TMEM232: variants seen among roughly 807,000 people sequenced by gnomAD.
TMEM232 encodes transmembrane protein 232.
In TMEM232, 80 loss-of-function variants were observed where a neutral mutation model predicts 78.8. That is an observed-to-expected ratio of 1.01 (90% CI 0.85 to 1.22). The LOEUF (loss-of-function observed/expected upper bound fraction) is 1.22. TMEM232 is among the 50% of genes most tolerant of loss of function. The pLI is 0.00. For missense variants in TMEM232, 881 were observed against 742.2 expected (o/e 1.19, Z -2.17); for synonymous variants, 297 against 254.3 (o/e 1.17, Z -1.60).
At chr5:110,551,326 C>A (rs1308988872) in intron 11 of TMEM232, among the ~76,000 whole-genome samples, 2 of 152,146 alleles carry the variant, frequency 1.3e-5, no homozygotes, top group Non-Finnish European at 2.9e-5. Context: ...CGAGTTCAAG[C>A]AATTCTCTTG....
intron 10 of TMEM232, among the ~76,000 whole-genome samples, chr5:110,569,929 C>A (rs772832566): frequency 3.0e-4 from 46 of 151,948 alleles, no homozygotes; most frequent in Non-Finnish European, 6.3e-4. Flanking sequence ...CTGTCCCATG[C>A]AGCACAGTCT....
intron 12 of TMEM232, among the ~76,000 whole-genome samples, chr5:110,439,129 A>C (rs1278919790): frequency 6.6e-6 from 1 of 152,134 alleles, no homozygotes; most frequent in Admixed American, 6.6e-5. Flanking sequence ...AGCTTGCCCA[A>C]ATCACAAAGC....
At chr5:110,704,025 T>C (rs1249312431) in intron 1 of TMEM232, among the ~76,000 whole-genome samples, 1 of 152,110 alleles carries the variant, frequency 6.6e-6, no homozygotes, top group Non-Finnish European at 1.5e-5. Context: ...TCCATCCTCA[T>C]TCAATAACAA....
Position 110,591,526 on chromosome 5 carries a change from C to T in TMEM232, c.1276+13583G>A, listed in dbSNP as rs377638415. On this transcript the variant is annotated intron_variant, in intron 10 of 13. Coordinates refer to ENST00000455884, the MANE Select transcript of TMEM232 (RefSeq NM_001039763.4). ...TTCTCACTATAATAATATTAAACTACATTAACCACCATAACATCTATTAAC... is the reference window on the plus strand; with the variant it reads ...TTCTCACTATAATAATATTAAACTATATTAACCACCATAACATCTATTAAC... 7.9e-5 allele frequency among the ~76,000 whole-genome samples: 12 copies of T among 152,266 alleles called. No homozygotes were observed. In the East Asian group the frequency reaches 2.3e-3, roughly 29 times the overall value.
intron 11 of TMEM232, among the ~76,000 whole-genome samples, chr5:110,535,940 C>G (rs1014853716): frequency 5.3e-5 from 8 of 152,224 alleles, no homozygotes; most frequent in African/African-American, 1.9e-4. Context: ...ACTCTCCTTG[C>G]AACCCCCACT....
chr5:110,662,216 T>C (rs1789895691), intron 2 of TMEM232, among the ~76,000 whole-genome samples: 1 of 152,164 alleles, frequency 6.6e-6, no homozygotes, highest in Non-Finnish European at 1.5e-5. Flanking sequence ...GAAATCTATA[T>C]ATGCATATAA....
intron 12 of TMEM232, among the ~76,000 whole-genome samples, chr5:110,470,482 G>C (rs1398473005): frequency 2.0e-5 from 3 of 152,136 alleles, no homozygotes; most frequent in Admixed American, 6.6e-5. Context: ...AGCTGCTTAG[G>C]AACCAAGTCA....
At chr5:110,648,847 C>T (rs575535430) in intron 2 of TMEM232, among the ~76,000 whole-genome samples, 2 of 152,154 alleles carry the variant, frequency 1.3e-5, no homozygotes, top group East Asian at 3.9e-4. Context: ...TTAAGGTTAT[C>T]TATCTATTAC....
intron 12 of TMEM232, among the ~76,000 whole-genome samples, chr5:110,510,835 C>T (rs185532599): frequency 6.6e-6 from 1 of 152,250 alleles, no homozygotes; most frequent in Admixed American, 6.5e-5. Context: ...AACACTTTTA[C>T]ACTGTTGGTG....
chr5:110,728,584 A>C (rs1424485742), upstream of TMEM232, among the ~76,000 whole-genome samples: 2 of 151,668 alleles, frequency 1.3e-5, no homozygotes, highest in Admixed American at 1.3e-4. Context: ...AATGACAAGA[A>C]TATTTAGAAA....
At chr5:110,518,444 C>T (rs1359167166) in intron 12 of TMEM232, among the ~76,000 whole-genome samples, 4 of 152,074 alleles carry the variant, frequency 2.6e-5, no homozygotes, top group Admixed American at 6.5e-5. Flanking sequence ...ACCCAGGCCA[C>T]TTAGAACTGA....
chr5:110,514,278 A>C (rs563059254), intron 12 of TMEM232, among the ~76,000 whole-genome samples: 58 of 152,300 alleles, frequency 3.8e-4, no homozygotes, highest in African/African-American at 1.3e-3. Context: ...ATAACCAAAA[A>C]GGAAATCATC....
intron 10 of TMEM232, among the ~76,000 whole-genome samples, chr5:110,586,741 G>A (rs1329132280): frequency 2.0e-5 from 3 of 151,996 alleles, no homozygotes; most frequent in Non-Finnish European, 2.9e-5. Context: ...CACAGCAAGG[G>A]AAGACTTTCA....
At chr5:110,558,556 C>G (rs1374826567) in intron 11 of TMEM232, among the ~76,000 whole-genome samples, 1 of 152,072 alleles carries the variant, frequency 6.6e-6, no homozygotes, top group East Asian at 1.9e-4. Flanking sequence ...TGTGGTAAGG[C>G]AGGGACCTGG....
At chr5:110,616,393 C>A (rs1253662086) in intron 8 of TMEM232, among the ~76,000 whole-genome samples, 1 of 151,954 alleles carries the variant, frequency 6.6e-6, no homozygotes, top group Non-Finnish European at 1.5e-5. Context: ...CCTTCTCTCA[C>A]ACTGTATAGA....
intron 12 of TMEM232, among the ~76,000 whole-genome samples, chr5:110,453,926 G>A (rs916217111): frequency 2.0e-5 from 3 of 151,482 alleles, no homozygotes; most frequent in African/African-American, 4.8e-5. Context: ...ATTACAATGT[G>A]ATTAATAAAA....
intron 3 of TMEM232, among the ~76,000 whole-genome samples, chr5:110,391,744 C>T (rs1430910239): frequency 1.3e-5 from 2 of 152,058 alleles, no homozygotes; most frequent in Admixed American, 6.6e-5. Context: ...AGAGGAAGAA[C>T]GTGTCTTGAC....
chr5:110,469,041 C>A (rs1384343014), intron 12 of TMEM232, among the ~76,000 whole-genome samples: 1 of 152,136 alleles, frequency 6.6e-6, no homozygotes, highest in Non-Finnish European at 1.5e-5. Context: ...AGGATCCCAG[C>A]AGCCCCAATC....
intron 1 of TMEM232, among the ~76,000 whole-genome samples, chr5:110,690,612 T>A (rs1794001521): frequency 6.6e-6 from 1 of 152,162 alleles, no homozygotes; most frequent in Non-Finnish European, 1.5e-5. Flanking sequence ...GACCCAGCAA[T>A]CCCATTACTG....
Sources: gnomAD v4.1 joint callset for allele counts (sites outside exome capture counted in the v4.1 genomes callset) on GRCh38, gnomAD v4.1.1 for gene constraint, MANE v1.5 for transcripts, NCBI Gene and HGNC (gene_info 2026-07-23, HGNC 2026-07-21) for gene names.